The following ROBO1 variants were observed in gnomAD, a reference collection of about 807,000 sequenced individuals.
ROBO1 encodes the protein roundabout homolog 1.
In ROBO1, 149 loss-of-function variants were observed where a neutral mutation model predicts 195.9. The ratio of observed to expected loss-of-function variants is 0.76; its 90% CI spans 0.67 to 0.87. ROBO1 has a LOEUF of 0.87. Ranked by LOEUF, ROBO1 falls within the 40% of genes least tolerant of loss-of-function variation. ROBO1 has a pLI of 0.00. For missense variants in ROBO1, 1,933 were observed against 2,068.3 expected, an observed-to-expected ratio of 0.93 and a Z score of 1.27; for synonymous variants, 816 against 733.2, an observed-to-expected ratio of 1.11 and a Z score of -1.82.
intron 2 of ROBO1, among the ~76,000 whole-genome samples, chr3:79,335,243 C>T (rs1330210397): frequency 6.6e-6 from 1 of 152,128 alleles, no homozygotes; most frequent in East Asian, 1.9e-4. Context: ...TTTTATTCAT[C>T]TTCTGTATTT....
intron 3 of ROBO1, among the ~76,000 whole-genome samples, chr3:79,116,940 G>A (rs1257372103): frequency 1.3e-5 from 2 of 152,094 alleles, no homozygotes; most frequent in Non-Finnish European, 2.9e-5. Flanking sequence ...ATTTTTAATT[G>A]CTTTTTAAAA....
chr3:79,343,430 T>A (rs779460225), intron 2 of ROBO1, among the ~76,000 whole-genome samples: 11 of 152,134 alleles, frequency 7.2e-5, no homozygotes, highest in Admixed American at 5.2e-4. Context: ...ACTGCATACG[T>A]TTGCAATCCC....
At chr3:78,904,742 ATATG>A (rs1248199050) in intron 4 of ROBO1, among the ~76,000 whole-genome samples, 3 of 150,496 alleles carry the variant, frequency 2.0e-5, no homozygotes, top group African/African-American at 7.3e-5. Context: ...GCATATATGT[ATATG>A]TATATATGTG....
At chr3:79,323,219 C>T (rs947240968) in intron 2 of ROBO1, among the ~76,000 whole-genome samples, 4 of 151,974 alleles carry the variant, frequency 2.6e-5, no homozygotes, top group Admixed American at 2.6e-4. Context: ...GTAGCTGGGA[C>T]TACAGGCACA....
intron 2 of ROBO1, among the ~76,000 whole-genome samples, chr3:79,422,313 C>T (rs1406841527): frequency 6.6e-6 from 1 of 151,654 alleles, no homozygotes; most frequent in East Asian, 1.9e-4. Context: ...ATAACTTTGT[C>T]CAATGTGTCA....
chr3:79,402,480 T>A (rs1575777232), intron 2 of ROBO1, among the ~76,000 whole-genome samples: 1 of 151,956 alleles, frequency 6.6e-6, no homozygotes, highest in South Asian at 2.1e-4. Flanking sequence ...AGAGGCATTT[T>A]GAGGGGAAGG....
rs760656716 is a variant in ROBO1, at chr3:78,597,276, ATTAC to A, written c.*1633_*1636del. The A allele has an allele frequency of 2.0e-5, 3 of 152,608 alleles. No homozygotes were observed. Among genetic ancestry groups the A allele is most frequent in the Non-Finnish European group, 2.9e-5 (2 of 68,010 alleles). The allele number at this position is 152,608 out of a possible 1,614,324, so 9.5% of individuals were successfully genotyped here. A position where few individuals can be genotyped will look rare whatever the true frequency, so the allele number is the denominator to read the frequency against. ...CATTTTTAATAAATAATGTGACAAA[ATTAC>A]TTTTCTGATTATTGGATTTTCAGTA... On this transcript the variant is annotated 3_prime_UTR_variant, in exon 31 of 31. Transcript: ENST00000464233.
At chr3:78,612,206 T>C (rs950330570) in intron 28 of ROBO1, among the ~76,000 whole-genome samples, 2 of 152,190 alleles carry the variant, frequency 1.3e-5, no homozygotes, top group African/African-American at 4.8e-5. Context: ...TTCTGAACAA[T>C]AGTTCACATA....
chr3:78,714,755 G>T (rs954340778), intron 7 of ROBO1: 1 of 391,954 alleles, frequency 2.6e-6, no homozygotes. Context: ...GGTAAAGTTG[G>T]CATTTATTTA....
At chr3:79,271,958 T>C (rs1402677978) in intron 2 of ROBO1, among the ~76,000 whole-genome samples, 4 of 152,102 alleles carry the variant, frequency 2.6e-5, no homozygotes, top group African/African-American at 9.7e-5. Context: ...CATGGAAATC[T>C]ATCTAATATG....
intron 3 of ROBO1, among the ~76,000 whole-genome samples, chr3:78,956,523 T>C (rs2041058190): frequency 6.6e-6 from 1 of 152,280 alleles, no homozygotes; most frequent in Middle Eastern, 3.4e-3. Flanking sequence ...TAACCATAAC[T>C]GAAATATTTC....
intron 2 of ROBO1, among the ~76,000 whole-genome samples, chr3:79,494,672 AAAGAAAGC>A (rs1939635619): frequency 6.6e-6 from 1 of 152,212 alleles, no homozygotes; most frequent in African/African-American, 2.4e-5. Flanking sequence ...GGAGAATAGT[AAAGAAAGC>A]ACTTTTGGCA....
chr3:79,603,251 C>T (rs185627232), intron 1 of ROBO1, among the ~76,000 whole-genome samples: 95 of 145,430 alleles, frequency 6.5e-4, no homozygotes, highest in African/African-American at 2.4e-3. Context: ...AAACAACCCT[C>T]CTCATCAGGG....
chr3:79,427,466 A>C (rs2038494590), intron 2 of ROBO1, among the ~76,000 whole-genome samples: 1 of 152,222 alleles, frequency 6.6e-6, no homozygotes, highest in Non-Finnish European at 1.5e-5. Flanking sequence ...ATGCCAGCTT[A>C]TCTGGGCTTG....
At chr3:79,308,006 T>G (rs2033302025) in intron 2 of ROBO1, among the ~76,000 whole-genome samples, 2 of 152,178 alleles carry the variant, frequency 1.3e-5, no homozygotes. Context: ...AGGTAAAATA[T>G]TTCTACAATC....
At chr3:78,646,491 C>G (rs1262379164) in intron 20 of ROBO1, among the ~76,000 whole-genome samples, 1 of 151,010 alleles carries the variant, frequency 6.6e-6, no homozygotes, top group African/African-American at 2.4e-5. Flanking sequence ...CATCAGTACA[C>G]TTATTAAATA....
chr3:78,971,665 G>A (rs1411417549), intron 3 of ROBO1, among the ~76,000 whole-genome samples: 4 of 152,102 alleles, frequency 2.6e-5, no homozygotes, highest in African/African-American at 4.8e-5. Flanking sequence ...AGATCTAATG[G>A]ACAAATAAAA....
chr3:79,660,798 C>T (rs533274269), intron 1 of ROBO1, among the ~76,000 whole-genome samples: 13 of 152,166 alleles, frequency 8.5e-5, no homozygotes, highest in African/African-American at 2.9e-4. Context: ...GCCTGAAAAG[C>T]ACAATGACCT....
rs549485042 is a variant in ROBO1 at position 78,725,245 on chromosome 3, C to G, written c.658-7362G>C. Among the ~76,000 whole-genome samples the G allele has an allele frequency of 2.6e-5, 4 of 151,842 alleles. No homozygotes were observed. The East Asian group carries it at 7.7e-4, about 29-fold the overall frequency. ...CATACTTGATGAAAGCAAAGCAAAA[C>G]AAAAAAATGTCCCACTGGTCTTGCT... is the stretch of plus-strand genomic sequence containing the variant. On this transcript the variant is annotated intron_variant, in intron 5 of 30. Transcript: ENST00000464233.
Sources: gnomAD v4.1 joint callset for allele counts (sites outside exome capture counted in the v4.1 genomes callset) on GRCh38, gnomAD v4.1.1 for gene constraint, MANE v1.5 for transcripts, NCBI Gene and HGNC (gene_info 2026-07-23, HGNC 2026-07-21) for gene names.